The following DNASE1 variants were observed in gnomAD, a reference collection of about 807,000 sequenced individuals.
DNASE1 encodes deoxyribonuclease-1.
Under a neutral mutation model 33.9 loss-of-function variants are expected in DNASE1, and 40 were observed. That is an observed-to-expected ratio of 1.18 (90% CI 0.92 to 1.54). DNASE1 has a LOEUF of 1.54. DNASE1 is among the 40% of genes most tolerant of loss of function. The pLI is 0.00. For synonymous variants in DNASE1, 216 were observed against 160.0 expected, an observed-to-expected ratio of 1.35 and a Z score of -2.64; for missense variants, 518 against 372.6, an observed-to-expected ratio of 1.39 and a Z score of -3.21.
At chr16:3,637,859 A>G (rs553721409) in intron 1 of DNASE1, among the ~76,000 whole-genome samples, 1 of 152,294 alleles carries the variant, frequency 6.6e-6, no homozygotes, top group South Asian at 2.1e-4. Context: ...GCTCCTGCTC[A>G]GGTAAGCTCC....
chr16:3,628,175 A>G (rs535986945), intron 1 of DNASE1, among the ~76,000 whole-genome samples: 2 of 152,142 alleles, frequency 1.3e-5, no homozygotes, highest in South Asian at 4.1e-4. Flanking sequence ...TAAAAGTCCT[A>G]GGTATTTTAT....
upstream of DNASE1, chr16:3,641,257 T>G: frequency 3.8e-6 from 1 of 262,276 alleles, no homozygotes; most frequent in Non-Finnish European, 7.2e-6. Flanking sequence ...CGCATTTACG[T>G]AGTGAGAGGT....
downstream of DNASE1, chr16:3,658,299 CAG>C (rs1491474966): frequency 5.1e-4 from 643 of 1,249,810 alleles, no homozygotes; most frequent in Non-Finnish European, 6.4e-4. Context: ...TTTTTTGAGA[CAG>C]AGTCTCACTG....
intron 1 of DNASE1, among the ~76,000 whole-genome samples, chr16:3,636,649 G>A (rs368869837): frequency 2.2e-4 from 33 of 151,812 alleles, no homozygotes; most frequent in African/African-American, 7.0e-4. Context: ...TAGAGACCCC[G>A]TCTCTACTAA....
intron 1 of DNASE1, among the ~76,000 whole-genome samples, chr16:3,623,498 A>G (rs1036637217): frequency 4.6e-5 from 7 of 152,330 alleles, no homozygotes; most frequent in African/African-American, 1.7e-4. Flanking sequence ...AATTAAATGA[A>G]AACACTTCTA....
chr16:3,640,773 C>T (rs2042006431), upstream of DNASE1: 2 of 398,530 alleles, frequency 5.0e-6, no homozygotes, highest in Admixed American at 8.8e-5. Flanking sequence ...GGTACAGCGC[C>T]AGCCTGGGTA....
intron 1 of DNASE1, among the ~76,000 whole-genome samples, chr16:3,644,690 G>A (rs1323663557): frequency 6.6e-6 from 1 of 151,570 alleles, no homozygotes; most frequent in Non-Finnish European, 1.5e-5. Flanking sequence ...AGCTATGAAT[G>A]TGCCACTGCA....
intron 1 of DNASE1, among the ~76,000 whole-genome samples, chr16:3,621,912 C>G (rs943067959): frequency 3.9e-5 from 6 of 151,974 alleles, no homozygotes; most frequent in African/African-American, 1.5e-4. Context: ...GGGGTGTTAC[C>G]CAGTTACCTT....
At chr16:3,663,606 C>G (rs1198976093) in exon 10 of DNASE1, 65 of 1,609,478 alleles carry the variant, frequency 4.0e-5, no homozygotes, top group Non-Finnish European at 5.5e-5. Flanking sequence ...CGGGGGCCTC[C>G]AGCCACCACA....
At chr16:3,645,865 G>T (rs1349856631) in intron 1 of DNASE1, among the ~76,000 whole-genome samples, 1 of 152,234 alleles carries the variant, frequency 6.6e-6, no homozygotes, top group East Asian at 1.9e-4. Flanking sequence ...ACCAAGGGCA[G>T]TGCACTGGGC....
downstream of DNASE1, chr16:3,661,745 G>C (rs369726045): frequency 1.1e-4 from 44 of 418,606 alleles, no homozygotes; most frequent in African/African-American, 7.5e-4. Context: ...AAAGCAAAAC[G>C]AGGACATGGT....
chr16:3,655,573 C>T (rs937535493), intron 2 of DNASE1, 53 bp downstream of exon 2: 2 of 1,612,248 alleles, frequency 1.2e-6, no homozygotes, highest in African/African-American at 1.3e-5. Context: ...GAGTCTAGGG[C>T]TGGTGGGCAG....
chr16:3,660,300 AATTCTGAACT>A (rs1393292919), downstream of DNASE1: 2 of 152,224 alleles, frequency 1.3e-5, no homozygotes, highest in African/African-American at 4.8e-5. Context: ...AGCAGTTTTG[AATTCTGAACT>A]ATGTGGACAG....
chr16:3,648,199 A>G (rs74372523), intron 1 of DNASE1, among the ~76,000 whole-genome samples: 7,864 of 152,244 alleles, frequency 0.052, 235 homozygotes, highest in Admixed American at 0.067. Context: ...GTGATGGCAC[A>G]TGGCAGGAGG....
chr16:3,644,937 TG>T (rs916497043), intron 1 of DNASE1, among the ~76,000 whole-genome samples: 2 of 151,876 alleles, frequency 1.3e-5, no homozygotes, highest in Admixed American at 1.3e-4. Context: ...GAGACCAGCC[TG>T]GGCAACATGG....
At chr16:3,635,064 C>A (rs1308373211) in intron 1 of DNASE1, among the ~76,000 whole-genome samples, 1 of 152,126 alleles carries the variant, frequency 6.6e-6, no homozygotes, top group African/African-American at 2.4e-5. Context: ...CTAAAGCTAT[C>A]CTGCCTCAGC....
chr16:3,657,369 ACTGAGGGCACCTCCAAGGGCAGC>A, intron 7 of DNASE1, 28 bp downstream of exon 7: 1 of 1,608,788 alleles, frequency 6.2e-7, no homozygotes. Context: ...CTTAGGGCAG[ACTGAGGGCACCTCCAAGGGCAGC>A]CGTGACTCAT....
exon 10 of DNASE1, chr16:3,663,665 C>G: frequency 6.9e-7 from 1 of 1,455,408 alleles, no homozygotes; most frequent in Middle Eastern, 2.4e-4. Flanking sequence ...AAGCGGGCCA[C>G]ACTGGGGAAC....
At chr16:3,658,240 A>G, downstream of DNASE1, 1 of 1,610,730 alleles carries the variant, frequency 6.2e-7, no homozygotes, top group Non-Finnish European at 8.5e-7. Context: ...TCTGAAAGGC[A>G]AGAGGAGAAA....
Sources: gnomAD v4.1 joint callset for allele counts (sites outside exome capture counted in the v4.1 genomes callset) on GRCh38, gnomAD v4.1.1 for gene constraint, MANE v1.5 for transcripts, NCBI Gene and HGNC (gene_info 2026-07-23, HGNC 2026-07-21) for gene names.